The following UBE2E2 variants were observed in gnomAD, a reference collection of about 807,000 sequenced individuals.
UBE2E2 encodes ubiquitin-conjugating enzyme E2 E2.
In UBE2E2, 6 loss-of-function variants were observed where a neutral mutation model predicts 24.7. The ratio of observed to expected loss-of-function variants is 0.24; its 90% CI spans 0.13 to 0.48. The LOEUF (loss-of-function observed/expected upper bound fraction) is 0.48, where lower values mean the gene tolerates loss of function less well. Ranked by LOEUF, UBE2E2 falls within the 20% of genes least tolerant of loss-of-function variation. UBE2E2 has a pLI of 0.99. For missense variants in UBE2E2, 169 were observed against 245.0 expected, an observed-to-expected ratio of 0.69 and a Z score of 2.07; for synonymous variants, 104 against 83.6, an observed-to-expected ratio of 1.24 and a Z score of -1.33.
At chr3:23,363,025 A>G (rs1440630659) in intron 3 of UBE2E2, among the ~76,000 whole-genome samples, 1 of 152,236 alleles carries the variant, frequency 6.6e-6, no homozygotes, top group African/African-American at 2.4e-5. Context: ...ATTCCAACCA[A>G]GAATTTCATA....
chr3:23,579,510 C>T (rs1198996702), intron 5 of UBE2E2, among the ~76,000 whole-genome samples: 8 of 151,282 alleles, frequency 5.3e-5, no homozygotes, highest in Admixed American at 5.3e-4. Context: ...GGCAACATAG[C>T]AAGACCCTTT....
At chr3:23,480,981 A>G (rs975260993) in intron 3 of UBE2E2, among the ~76,000 whole-genome samples, 5 of 152,210 alleles carry the variant, frequency 3.3e-5, no homozygotes, top group African/African-American at 9.7e-5. Flanking sequence ...ATTGTTTCCA[A>G]TGATTTGGAT....
chr3:23,225,777 G>A (rs1191610216), intron 3 of UBE2E2, among the ~76,000 whole-genome samples: 1 of 152,108 alleles, frequency 6.6e-6, no homozygotes, highest in Non-Finnish European at 1.5e-5. Flanking sequence ...ATTAGGTAAG[G>A]CATTCCCAGT....
intron 3 of UBE2E2, among the ~76,000 whole-genome samples, chr3:23,365,745 T>C (rs1277689364): frequency 1.3e-5 from 2 of 152,272 alleles, no homozygotes; most frequent in South Asian, 2.1e-4. Context: ...ACATTCTCCA[T>C]AGAATTAGAA....
intron 1 of UBE2E2, among the ~76,000 whole-genome samples, chr3:23,208,298 A>C (rs1169307303): frequency 6.6e-6 from 1 of 152,134 alleles, no homozygotes; most frequent in African/African-American, 2.4e-5. Flanking sequence ...TTCACTTACC[A>C]GAATGTTTCA....
chr3:23,562,714 T>G (rs564317474), intron 5 of UBE2E2, among the ~76,000 whole-genome samples: 2 of 152,332 alleles, frequency 1.3e-5, no homozygotes, highest in Admixed American at 1.3e-4. Context: ...TTTTTTTGGT[T>G]GGTAAGCTAT....
intron 3 of UBE2E2, among the ~76,000 whole-genome samples, chr3:23,261,045 A>G (rs2125354105): frequency 6.6e-6 from 1 of 152,206 alleles, no homozygotes; most frequent in African/African-American, 2.4e-5. Context: ...CAAGGTTGCA[A>G]TGAGTAGAGA....
At chr3:23,524,242 T>G (rs893167255) in intron 4 of UBE2E2, among the ~76,000 whole-genome samples, 22 of 152,212 alleles carry the variant, frequency 1.4e-4, no homozygotes, top group African/African-American at 5.3e-4. Flanking sequence ...TTTATATTTA[T>G]GCCTTTCATG....
At chr3:23,397,691 G>C (rs548593945) in intron 3 of UBE2E2, among the ~76,000 whole-genome samples, 2 of 152,268 alleles carry the variant, frequency 1.3e-5, no homozygotes, top group South Asian at 4.1e-4. Context: ...ATTTATCCAT[G>C]TTGTAGGGAA....
intron 3 of UBE2E2, among the ~76,000 whole-genome samples, chr3:23,274,502 C>G (rs541227849): frequency 6.6e-6 from 1 of 151,960 alleles, no homozygotes; most frequent in Admixed American, 6.6e-5. Flanking sequence ...ACTGTAGGCG[C>G]GCACCACCAT....
At chr3:23,487,192 G>A (rs541195408) in intron 3 of UBE2E2, among the ~76,000 whole-genome samples, 114 of 152,274 alleles carry the variant, frequency 7.5e-4, no homozygotes, top group African/African-American at 2.6e-3. Context: ...CAGCTCGGTC[G>A]CAGCAGTGCC....
chr3:23,393,738 C>T (rs1274064146), intron 3 of UBE2E2, among the ~76,000 whole-genome samples: 1 of 151,938 alleles, frequency 6.6e-6, no homozygotes, highest in African/African-American at 2.4e-5. Flanking sequence ...TGTTTTTGGA[C>T]AGTCCACAAG....
intron 3 of UBE2E2, among the ~76,000 whole-genome samples, chr3:23,397,963 G>C (rs76618547): frequency 0.014 from 2,181 of 151,850 alleles, 47 homozygotes; most frequent in African/African-American, 0.049. Flanking sequence ...TTTTCTCCTC[G>C]GTCTGTTATA....
intron 3 of UBE2E2, among the ~76,000 whole-genome samples, chr3:23,356,315 C>G (rs909409979): frequency 6.6e-6 from 1 of 152,174 alleles, no homozygotes; most frequent in Non-Finnish European, 1.5e-5. Flanking sequence ...CGTAACAAAT[C>G]TTTGTTGTGA....
At chr3:23,251,888 G>T (rs1006706716) in intron 3 of UBE2E2, among the ~76,000 whole-genome samples, 1 of 152,184 alleles carries the variant, frequency 6.6e-6, no homozygotes, top group South Asian at 2.1e-4. Flanking sequence ...ACCATTAGAG[G>T]AAAATAAAGC....
At position 23,589,457 on chromosome 3, in the gene UBE2E2, A is replaced by G. The variant is rs1474855316; in HGVS notation, c.509-277A>G. On this transcript the variant is annotated intron_variant, in intron 5 of 5. Coordinates refer to ENST00000396703, the MANE Select transcript of UBE2E2 (RefSeq NM_152653.4). This position sits in a 1 kb window ranked among gnomAD's most constrained non-coding sequence, Gnocchi z 4.1. ...AAAAAAAAACCAATACGAGGGGAGCAAGGTGAGAAGTATGTGGTGGGTACA... is the reference window on the plus strand; with the variant it reads ...AAAAAAAAACCAATACGAGGGGAGCGAGGTGAGAAGTATGTGGTGGGTACA... Among the ~76,000 whole-genome samples, 1 of 152,008 alleles carries G rather than the reference A, an allele frequency of 6.6e-6. No individual in the cohort carries two copies. Among genetic ancestry groups the G allele is most frequent in the East Asian group, 1.9e-4 (1 of 5,194 alleles).
intron 3 of UBE2E2, among the ~76,000 whole-genome samples, chr3:23,296,042 A>G (rs1034032972): frequency 2.0e-5 from 3 of 152,180 alleles, no homozygotes; most frequent in Non-Finnish European, 4.4e-5. Context: ...ACATTTCTAA[A>G]TAGAAGATAG....
intron 3 of UBE2E2, among the ~76,000 whole-genome samples, chr3:23,379,343 A>G (rs903638156): frequency 4.6e-5 from 7 of 150,886 alleles, no homozygotes; most frequent in Admixed American, 2.0e-4. Context: ...CGCTGCACCC[A>G]CTAACTCGTC....
In UBE2E2 at chr3:23,299,589, C is replaced by T. The variant is rs200281872; in HGVS notation, c.227+82277C>T. Among the ~76,000 whole-genome samples, 324 of 152,200 alleles carry T rather than the reference C, an allele frequency of 2.1e-3. 5 individuals are homozygous for T. The highest frequency in any genetic ancestry group is 0.016 in the East Asian group (84 of 5,180). ...GTTGTTCAGTTTCCATGTAGTTGCACGGTTTTGAGTGAGTTTCTTAATCCT... is the reference window on the plus strand; with the variant it reads ...GTTGTTCAGTTTCCATGTAGTTGCATGGTTTTGAGTGAGTTTCTTAATCCT... On this transcript the variant is annotated intron_variant, in intron 3 of 5. Coordinates refer to ENST00000396703, the MANE Select transcript of UBE2E2 (RefSeq NM_152653.4).
Sources: allele counts gnomAD v4.1 joint callset (sites outside exome capture counted in the v4.1 genomes callset), GRCh38; gene constraint gnomAD v4.1.1; non-coding constraint Gnocchi (gnomAD v3.1); transcripts MANE v1.5; gene names NCBI Gene and HGNC (gene_info 2026-07-23, HGNC 2026-07-21).